The following MCPH1 variants were observed in gnomAD, a reference collection of about 807,000 sequenced individuals.
MCPH1 encodes microcephalin 1.
A neutral mutation model predicts 84.5 loss-of-function variants in MCPH1; 104 were observed. The ratio of observed to expected loss-of-function variants is 1.23; its 90% CI spans 1.05 to 1.45. The LOEUF is 1.45. MCPH1 is among the 40% of genes most tolerant of loss of function. The pLI, the probability that MCPH1 is intolerant of heterozygous loss-of-function variation, is 0.00. For synonymous variants in MCPH1, 514 were observed against 366.8 expected, an observed-to-expected ratio of 1.40 and a Z score of -4.58; for missense variants, 1,498 against 1,005.7, an observed-to-expected ratio of 1.49 and a Z score of -6.62.
chr8:6,498,341 C>T (rs1025287725), intron 11 of MCPH1, among the ~76,000 whole-genome samples: 22 of 152,124 alleles, frequency 1.4e-4, no homozygotes, highest in African/African-American at 4.3e-4. Context: ...AAGATGTGTT[C>T]GGCCAATGAA....
At chr8:6,415,784 G>A (rs1799194578) in intron 3 of MCPH1, among the ~76,000 whole-genome samples, 1 of 152,158 alleles carries the variant, frequency 6.6e-6, no homozygotes, top group African/African-American at 2.4e-5. Flanking sequence ...TTGTTTGGCT[G>A]TCTTGATTGG....
At chr8:6,589,134 G>A (rs968392503) in intron 12 of MCPH1, among the ~76,000 whole-genome samples, 2 of 152,172 alleles carry the variant, frequency 1.3e-5, no homozygotes, top group African/African-American at 4.8e-5. Flanking sequence ...CTGTGGGCTC[G>A]GGGAAGACAG....
intron 12 of MCPH1, chr8:6,513,572 A>G: frequency 1.3e-6 from 1 of 770,684 alleles, no homozygotes; most frequent in Non-Finnish European, 2.0e-6. Flanking sequence ...TGACCTCGTG[A>G]TCTGCCCACC....
chr8:6,438,109 T>C (rs1387284918), intron 5 of MCPH1, among the ~76,000 whole-genome samples: 1 of 152,242 alleles, frequency 6.6e-6, no homozygotes, highest in Non-Finnish European at 1.5e-5. Context: ...TTGCACACTC[T>C]CCTATAATTC....
At chr8:6,545,183 G>A (rs1822349501) in intron 12 of MCPH1, among the ~76,000 whole-genome samples, 1 of 152,090 alleles carries the variant, frequency 6.6e-6, no homozygotes, top group South Asian at 2.1e-4. Flanking sequence ...GGTGGGAGGG[G>A]TTTGAGGCTG....
intron 9 of MCPH1, among the ~76,000 whole-genome samples, chr8:6,472,106 T>C (rs1807798810): frequency 6.6e-6 from 1 of 152,162 alleles, no homozygotes; most frequent in Non-Finnish European, 1.5e-5. Context: ...ACAGTGGATG[T>C]TGCATCTAAT....
intron 11 of MCPH1, among the ~76,000 whole-genome samples, chr8:6,487,104 C>T (rs533016775): frequency 6.6e-6 from 1 of 152,196 alleles, no homozygotes; most frequent in Admixed American, 6.5e-5. Context: ...TTCTGAACAG[C>T]TTATGAAAAG....
intron 3 of MCPH1, among the ~76,000 whole-genome samples, chr8:6,428,708 G>C (rs1242334805): frequency 6.6e-6 from 1 of 151,998 alleles, no homozygotes; most frequent in Admixed American, 6.5e-5. Flanking sequence ...TTCTTTTTAT[G>C]GTGGAATCAT....
At chr8:6,451,273 G>T (rs186594194) in intron 8 of MCPH1, among the ~76,000 whole-genome samples, 4 of 152,252 alleles carry the variant, frequency 2.6e-5, no homozygotes, top group Admixed American at 1.3e-4. Flanking sequence ...TAACTGTTTG[G>T]TTGATTCATT....
intron 12 of MCPH1, among the ~76,000 whole-genome samples, chr8:6,585,824 C>T (rs1438829045): frequency 5.3e-5 from 8 of 152,206 alleles, no homozygotes; most frequent in Non-Finnish European, 1.2e-4. Flanking sequence ...GTTTTAAACA[C>T]AGCAGCTTGG....
At chr8:6,455,279 AC>A (rs759258646) in intron 9 of MCPH1, 27 bp downstream of exon 9, 8 of 1,453,488 alleles carry the variant, frequency 5.5e-6, no homozygotes, top group Non-Finnish European at 7.7e-6. Flanking sequence ...ATTATTTTAA[AC>A]TTTCAAATGC....
intron 12 of MCPH1, among the ~76,000 whole-genome samples, chr8:6,543,033 T>G (rs867060797): frequency 1.3e-5 from 2 of 152,280 alleles, no homozygotes; most frequent in South Asian, 4.1e-4. Context: ...TGGGAATGCT[T>G]GAGAAATCTC....
intron 12 of MCPH1, among the ~76,000 whole-genome samples, chr8:6,530,723 G>C (rs1035702475): frequency 6.6e-6 from 1 of 152,056 alleles, no homozygotes; most frequent in Non-Finnish European, 1.5e-5. Flanking sequence ...GAAAGACCTG[G>C]TAGTCAAGTA....
rs113736114 is a variant in MCPH1 at position 6,575,210 on chromosome 8, A to G, written c.2215-46244A>G. On this transcript the variant is annotated intron_variant, in intron 12 of 13. Coordinates refer to ENST00000344683, the MANE Select transcript of MCPH1 (RefSeq NM_024596.5). ...GCAGGAAGACCTATTTTCCTGATTA[A>G]TCTCAATGCCAGCCTCATTACACAA... Among the ~76,000 whole-genome samples, 396 of 152,368 alleles carry G rather than the reference A, an allele frequency of 2.6e-3. 1 individual carries two copies. Among genetic ancestry groups the G allele is most frequent in the African/African-American group, 9.1e-3 (379 of 41,588 alleles).
At chr8:6,623,688 C>CAAAAAAAAAAAAAAAAAAAAAAAAAAA (rs377522481) in intron 13 of MCPH1, among the ~76,000 whole-genome samples, 1 of 92,420 alleles carries the variant, frequency 1.1e-5, no homozygotes. Flanking sequence ...AACCAACTTC[C>CAAAAAAAAAAAAAAAAAAAAAAAAAAA]AAAAAAAAAA....
chr8:6,641,960 C>G (rs1340337183), intron 13 of MCPH1, among the ~76,000 whole-genome samples: 4 of 152,256 alleles, frequency 2.6e-5, no homozygotes, highest in South Asian at 4.1e-4. Context: ...TGGGTAGAAG[C>G]ACATTTGTAT....
At chr8:6,506,839 C>T (rs921390367) in intron 12 of MCPH1, among the ~76,000 whole-genome samples, 1 of 149,442 alleles carries the variant, frequency 6.7e-6, no homozygotes, top group South Asian at 2.1e-4. Context: ...AATTTAAAGA[C>T]ATGAAAATTA....
chr8:6,407,318 C>G (rs987934027), intron 1 of MCPH1, among the ~76,000 whole-genome samples: 5 of 152,174 alleles, frequency 3.3e-5, no homozygotes, highest in African/African-American at 9.6e-5. Flanking sequence ...ATGGTATTGT[C>G]TGATTTTTTT....
At chr8:6,479,871 C>T (rs188071478) in intron 10 of MCPH1, among the ~76,000 whole-genome samples, 3 of 152,236 alleles carry the variant, frequency 2.0e-5, no homozygotes, top group Non-Finnish European at 4.4e-5. Context: ...CCATAATGGT[C>T]ATGAGCTTTG....
Sources: gnomAD v4.1 joint callset for allele counts (sites outside exome capture counted in the v4.1 genomes callset) on GRCh38, gnomAD v4.1.1 for gene constraint, MANE v1.5 for transcripts, NCBI Gene and HGNC (gene_info 2026-07-23, HGNC 2026-07-21) for gene names.